SASH1: variants seen among roughly 807,000 people sequenced by gnomAD.
SASH1 encodes SAM and SH3 domain-containing protein 1.
A neutral mutation model predicts 125.2 loss-of-function variants in SASH1; 44 were observed. The ratio of observed to expected loss-of-function variants is 0.35; its 90% CI spans 0.28 to 0.45. SASH1 has a LOEUF of 0.45. SASH1 is among the 20% of genes least tolerant of loss of function. The probability of loss-of-function intolerance (pLI) is 1.00; values close to 1 mark genes in which losing one functional copy is unlikely to be tolerated. For missense variants in SASH1, 1,426 were observed against 1,614.5 expected, an observed-to-expected ratio of 0.88 and a Z score of 2.00; for synonymous variants, 639 against 649.1, an observed-to-expected ratio of 0.98 and a Z score of 0.24.
intron 1 of SASH1, among the ~76,000 whole-genome samples, chr6:148,369,959 A>G (rs13437155): frequency 1.5e-5 from 2 of 136,610 alleles, no homozygotes; most frequent in Non-Finnish European, 3.1e-5. Flanking sequence ...CTCAAAAAAA[A>G]GAAAAACAAA....
chr6:148,414,879 A>T (rs1035835488), intron 2 of SASH1, among the ~76,000 whole-genome samples: 2 of 152,096 alleles, frequency 1.3e-5, no homozygotes, highest in African/African-American at 4.8e-5. Context: ...CCTGACCTTA[A>T]GTGATCCACC....
At chr6:148,457,068 A>G (rs1349771317) in intron 4 of SASH1, among the ~76,000 whole-genome samples, 7 of 151,224 alleles carry the variant, frequency 4.6e-5, no homozygotes, top group Non-Finnish European at 1.0e-4. Flanking sequence ...GACAAAAAAA[A>G]AAAAAACCTA....
At chr6:148,194,089 C>A in the SASH1 span, among the ~76,000 whole-genome samples, 3 of 152,112 alleles carry the variant, frequency 2.0e-5, no homozygotes, top group Non-Finnish European at 4.4e-5. Context: ...TAAGACTAAC[C>A]TTTGTGATTT....
chr6:148,298,877 G>C (rs1779855680), intron 1 of SASH1, among the ~76,000 whole-genome samples: 3 of 141,964 alleles, frequency 2.1e-5, no homozygotes. Context: ...GGGAAGTAAG[G>C]AGGGAGGGAG....
At chr6:148,203,733 A>T in the SASH1 span, among the ~76,000 whole-genome samples, 1 of 152,234 alleles carries the variant, frequency 6.6e-6, no homozygotes, top group Non-Finnish European at 1.5e-5. Context: ...TGAAGTAAAA[A>T]TGGGCTAACT....
the SASH1 span, among the ~76,000 whole-genome samples, chr6:148,266,599 G>A: frequency 6.6e-6 from 1 of 152,000 alleles, no homozygotes; most frequent in African/African-American, 2.4e-5. Flanking sequence ...CTAGAAACAA[G>A]AGAGCTTTTC....
In SASH1 at chr6:148,544,041, G is replaced by A. The variant is rs768021861; in HGVS notation, c.2571G>A (p.Val857=). 16 of 1,613,980 alleles carry A rather than the reference G, an allele frequency of 9.9e-6. No homozygotes were observed. The highest frequency in any genetic ancestry group is 1.4e-5 in the Non-Finnish European group (16 of 1,180,022). ...PGAEQDVPTE[V]TEPPPQIVPE... ...CTGAGCAAGACGTGCCTACCGAGGT[G>A]ACAGAACCGCCCCCTCAGATTGTAC... The change falls in exon 18 of 20, where the codon GTG becomes GTA. Residue 857 remains valine, a synonymous_variant. Transcript: ENST00000367467. The surrounding 1 kb of genome is among the most constrained non-coding windows in gnomAD (Gnocchi z 6.4).
chr6:148,378,246 G>T (rs1328279171), intron 1 of SASH1, among the ~76,000 whole-genome samples: 2 of 151,968 alleles, frequency 1.3e-5, no homozygotes, highest in African/African-American at 4.8e-5. Context: ...TAAAGGCGGG[G>T]TTTCACCATG....
chr6:148,280,840 GA>G (rs1779320099), intron 1 of SASH1, among the ~76,000 whole-genome samples: 1 of 152,058 alleles, frequency 6.6e-6, no homozygotes, highest in Non-Finnish European at 1.5e-5. Flanking sequence ...CAGAGAGAGA[GA>G]AAGAGAGAAA....
chr6:148,248,293 G>T, the SASH1 span, among the ~76,000 whole-genome samples: 1 of 152,204 alleles, frequency 6.6e-6, no homozygotes, highest in Admixed American at 6.5e-5. Flanking sequence ...AGGAGAGAAG[G>T]CAGTAAGGGC....
intron 1 of SASH1, among the ~76,000 whole-genome samples, chr6:148,277,820 G>C (rs552566866): frequency 6.6e-6 from 1 of 152,088 alleles, no homozygotes; most frequent in Non-Finnish European, 1.5e-5. Flanking sequence ...GGGTTCAAGC[G>C]ATTCTTCTGC....
chr6:148,232,720 C>T, the SASH1 span, among the ~76,000 whole-genome samples: 2 of 152,246 alleles, frequency 1.3e-5, no homozygotes, highest in Non-Finnish European at 2.9e-5. Flanking sequence ...GGACTTGGCA[C>T]TTAGCTTTTC....
intron 7 of SASH1, among the ~76,000 whole-genome samples, chr6:148,487,086 T>TAC (rs1279414737): frequency 1.1e-5 from 1 of 94,222 alleles, no homozygotes; most frequent in Non-Finnish European, 2.1e-5. Flanking sequence ...ATATAACACA[T>TAC]ATATATACAC....
At chr6:148,369,651 CA>C in intron 1 of SASH1, among the ~76,000 whole-genome samples, 1 of 71,914 alleles carries the variant, frequency 1.4e-5, no homozygotes, top group East Asian at 2.9e-4. Flanking sequence ...GTTCCCTTTC[CA>C]TGACAAAAAA....
the SASH1 span, among the ~76,000 whole-genome samples, chr6:148,214,871 G>A: frequency 7.2e-5 from 11 of 152,234 alleles, 1 homozygote; most frequent in South Asian, 2.3e-3. Flanking sequence ...CTGCTGAACT[G>A]AGCTGAAACA....
At chr6:148,243,401 G>T in the SASH1 span, among the ~76,000 whole-genome samples, 1 of 151,412 alleles carries the variant, frequency 6.6e-6, no homozygotes, top group African/African-American at 2.4e-5. Context: ...GGTGAGCCAA[G>T]ATAGTGCCAT....
chr6:148,522,950 A>G (rs561144703), intron 10 of SASH1, among the ~76,000 whole-genome samples: 7 of 152,204 alleles, frequency 4.6e-5, no homozygotes, highest in East Asian at 1.9e-4. Flanking sequence ...TCACTCCTCC[A>G]CTGTAAAAAA....
At chr6:148,197,707 G>A in the SASH1 span, among the ~76,000 whole-genome samples, 2 of 152,172 alleles carry the variant, frequency 1.3e-5, no homozygotes, top group South Asian at 4.1e-4. Flanking sequence ...TGACCAATAT[G>A]GTTTGGCTCT....
At chr6:148,298,330 G>A (rs903622047) in intron 1 of SASH1, among the ~76,000 whole-genome samples, 2 of 151,996 alleles carry the variant, frequency 1.3e-5, no homozygotes, top group African/African-American at 4.8e-5. Context: ...AATTTCTTAT[G>A]TGGCAATTTC....
Sources: gnomAD v4.1 joint callset for allele counts (sites outside exome capture counted in the v4.1 genomes callset) on GRCh38, gnomAD v4.1.1 for gene constraint, Gnocchi (gnomAD v3.1) non-coding constraint, MANE v1.5 for transcripts, NCBI Gene and HGNC (gene_info 2026-07-23, HGNC 2026-07-21) for gene names.